The following KCTD20 variants were observed in gnomAD, a reference collection of about 807,000 sequenced individuals.
KCTD20 encodes potassium channel tetramerization domain containing 20.
A neutral mutation model predicts 39.6 loss-of-function variants in KCTD20; 30 were observed. The observed-to-expected ratio is 0.76, with a 90% CI of 0.57 to 1.03. The LOEUF is 1.03. Among genes scored for constraint, KCTD20 ranks in the 50% least tolerant of loss-of-function variants. KCTD20 has a pLI of 0.00. For synonymous variants in KCTD20, 162 were observed against 180.6 expected, an observed-to-expected ratio of 0.90 and a Z score of 0.83; for missense variants, 422 against 522.0, an observed-to-expected ratio of 0.81 and a Z score of 1.87.
intron 3 of KCTD20, among the ~76,000 whole-genome samples, chr6:36,477,984 GC>G (rs1776120244): frequency 6.6e-6 from 1 of 151,216 alleles, no homozygotes; most frequent in African/African-American, 2.4e-5. Flanking sequence ...AGTCCCAACT[GC>G]TGGGGAGGCT....
chr6:36,479,778 GATTTT>G, intron 5 of KCTD20, 67 bp downstream of exon 5: 70 of 385,640 alleles, frequency 1.8e-4, no homozygotes, highest in Non-Finnish European at 2.6e-4. Flanking sequence ...GGAAGTCACC[GATTTT>G]TTTTTTTTTT....
At chr6:36,481,364 T>C (rs1230610887) in intron 5 of KCTD20, among the ~76,000 whole-genome samples, 198 bp from the exon 6 acceptor site, 1 of 152,166 alleles carries the variant, frequency 6.6e-6, no homozygotes. Flanking sequence ...ATGAGTAAAT[T>C]GAAGAGTGGT....
At chr6:36,445,065 C>T (rs965747940) in intron 1 of KCTD20, among the ~76,000 whole-genome samples, 3 of 152,036 alleles carry the variant, frequency 2.0e-5, no homozygotes, top group African/African-American at 7.2e-5. Context: ...AGTTTCAGAC[C>T]AGCCTGGCCA....
chr6:36,478,719 T>C (rs1397912332), intron 3 of KCTD20, among the ~76,000 whole-genome samples: 4 of 152,184 alleles, frequency 2.6e-5, no homozygotes, highest in East Asian at 1.9e-4. Flanking sequence ...GGAGCCTAGA[T>C]GCTGTCTTTC....
At chr6:36,455,765 T>C (rs907167216) in intron 1 of KCTD20, among the ~76,000 whole-genome samples, 1 of 152,222 alleles carries the variant, frequency 6.6e-6, no homozygotes, top group Non-Finnish European at 1.5e-5. Context: ...AAAGCTACAG[T>C]CTGCAGGCAG....
At chr6:36,467,241 G>A (rs1199157296) in intron 1 of KCTD20, among the ~76,000 whole-genome samples, 1 of 149,166 alleles carries the variant, frequency 6.7e-6, no homozygotes, top group Non-Finnish European at 1.5e-5. Flanking sequence ...CCAGGAGGTG[G>A]AGGTTGCAGT....
At chr6:36,462,313 CTTTTGGG>C (rs1282858133) in intron 1 of KCTD20, among the ~76,000 whole-genome samples, 1 of 152,010 alleles carries the variant, frequency 6.6e-6, no homozygotes. Flanking sequence ...TCTCATTTCG[CTTTTGGG>C]TTTTGGGTCT....
intron 1 of KCTD20, among the ~76,000 whole-genome samples, chr6:36,449,411 A>C: frequency 6.6e-6 from 1 of 151,148 alleles, no homozygotes. Context: ...CAGAGCGCTG[A>C]TTCATGCGTT....
chr6:36,465,934 C>G (rs1237481363), intron 1 of KCTD20, among the ~76,000 whole-genome samples: 1 of 152,166 alleles, frequency 6.6e-6, no homozygotes, highest in Non-Finnish European at 1.5e-5. Flanking sequence ...CCAAAGCAGT[C>G]TCTTCAGTTA....
chr6:36,446,024 G>GTTTTTTTTTTTTTTTT lies in KCTD20; in HGVS notation c.-47+2927_-47+2928insTTTTTTTTTTTTTTTT, dbSNP rs553882182. On this transcript the variant is annotated intron_variant, in intron 1 of 7. Transcript: ENST00000373731. ...AAGCCCCAGAAATGTTATGAACTCAGTTTTTTTTTTTTTTCTTTTGAGACA... is the reference window on the plus strand; with the variant it reads ...AAGCCCCAGAAATGTTATGAACTCAGTTTTTTTTTTTTTTTTTTTTTTTTTTTTTTCTTTTGAGACA... 3.2e-5 allele frequency among the ~76,000 whole-genome samples: 4 copies of GTTTTTTTTTTTTTTTT among 126,538 alleles called. 1 individual carries two copies. Among genetic ancestry groups the GTTTTTTTTTTTTTTTT allele is most frequent in the Non-Finnish European group, 1.6e-5 (1 of 62,810 alleles). 83.0% of individuals were successfully genotyped at this position (126,538 alleles called of 152,430 possible).
chr6:36,448,011 G>GTGTGTGTA (rs1554158501), intron 1 of KCTD20, among the ~76,000 whole-genome samples: 2 of 15,168 alleles, frequency 1.3e-4, no homozygotes, highest in East Asian at 8.1e-4. Context: ...GTGTATGTGT[G>GTGTGTGTA]TGTGTATATA....
chr6:36,446,493 T>C (rs1225050718), intron 1 of KCTD20, among the ~76,000 whole-genome samples: 1 of 152,222 alleles, frequency 6.6e-6, no homozygotes, highest in East Asian at 1.9e-4. Context: ...TGTGATAGAA[T>C]TTAAGACTGA....
chr6:36,447,914 C>A (rs1229120809), intron 1 of KCTD20, among the ~76,000 whole-genome samples: 1 of 150,724 alleles, frequency 6.6e-6, no homozygotes, highest in Non-Finnish European at 1.5e-5. Flanking sequence ...TCGATTGAAC[C>A]CAGAAGGTGG....
intron 2 of KCTD20, among the ~76,000 whole-genome samples, chr6:36,471,720 C>T (rs905082068): frequency 6.6e-6 from 1 of 152,156 alleles, no homozygotes; most frequent in Non-Finnish European, 1.5e-5. Context: ...TTTTCCTACT[C>T]GCCCATTTAA....
intron 5 of KCTD20, 115 bp downstream of exon 5, chr6:36,479,826 C>T: frequency 1.2e-6 from 1 of 812,834 alleles, no homozygotes; most frequent in Non-Finnish European, 1.7e-6. Flanking sequence ...GAGTCTCGCT[C>T]TGTCGCCGAG....
chr6:36,485,488 C>CTTTTTTTTTTTTTTTTTTTTT (rs34990483), intron 7 of KCTD20, among the ~76,000 whole-genome samples: 2 of 97,100 alleles, frequency 2.1e-5, no homozygotes, highest in Non-Finnish European at 4.0e-5. Flanking sequence ...TGGAGTGGAT[C>CTTTTTTTTTTTTTTTTTTTTT]TTTTTTTTTT....
At chr6:36,479,835 A>T in intron 5 of KCTD20, 124 bp downstream of exon 5, 1 of 779,754 alleles carries the variant, frequency 1.3e-6, no homozygotes. Flanking sequence ...TCTGTCGCCG[A>T]GGCTGGAGTG....
Position 36,484,124 on chromosome 6 carries a change from C to T in KCTD20, c.857-590C>T, listed in dbSNP as rs574852759. 3.3e-5 allele frequency among the ~76,000 whole-genome samples: 5 copies of T among 152,026 alleles called. No individual in the cohort carries two copies. The South Asian group carries it at 6.2e-4, about 19-fold the overall frequency. ...CTAATTTTTCTATTTTTAGTAGAGA[C>T]GGGGTTTCACCATGTTAGTCAGGCT... On this transcript the variant is annotated intron_variant, in intron 6 of 7. Coordinates refer to ENST00000373731, the MANE Select transcript of KCTD20 (RefSeq NM_173562.5).
chr6:36,481,844 T>C, intron 6 of KCTD20, 85 bp downstream of exon 6: 1 of 1,161,434 alleles, frequency 8.6e-7, no homozygotes, highest in Non-Finnish European at 1.3e-6. Context: ...CCAATGTGAA[T>C]ATCAATGTTG....
Sources: allele counts gnomAD v4.1 joint callset (sites outside exome capture counted in the v4.1 genomes callset), GRCh38; gene constraint gnomAD v4.1.1; transcripts MANE v1.5; gene names NCBI Gene and HGNC (gene_info 2026-07-23, HGNC 2026-07-21).